FBXO32: variants seen among roughly 807,000 people sequenced by gnomAD.
FBXO32 encodes F-box protein 32, also known as F-box only protein 32.
A neutral mutation model predicts 48.3 loss-of-function variants in FBXO32; 15 were observed. That is an observed-to-expected ratio of 0.31 (90% CI 0.21 to 0.48). The LOEUF is 0.48. Ranked by LOEUF, FBXO32 falls within the 20% of genes least tolerant of loss-of-function variation. FBXO32 has a pLI of 0.99. For synonymous variants in FBXO32, 154 were observed against 165.9 expected, an observed-to-expected ratio of 0.93 and a Z score of 0.55; for missense variants, 309 against 432.7, an observed-to-expected ratio of 0.71 and a Z score of 2.54.
chr8:123,514,214 G>C, intron 5 of FBXO32, 26 bp downstream of exon 5: 1 of 1,578,828 alleles, frequency 6.3e-7, no homozygotes. Flanking sequence ...CTATAAAAAG[G>C]GGCGAGAGAG....
At chr8:123,519,555 A>G (rs1816908257) in intron 4 of FBXO32, among the ~76,000 whole-genome samples, 1 of 150,762 alleles carries the variant, frequency 6.6e-6, no homozygotes, top group Middle Eastern at 3.2e-3. Context: ...CATCTCAAAA[A>G]AAAAAAAAAA....
chr8:123,524,923 G>A (rs902879663), intron 4 of FBXO32, among the ~76,000 whole-genome samples: 4 of 152,202 alleles, frequency 2.6e-5, no homozygotes, highest in Non-Finnish European at 5.9e-5. Context: ...TTAAAGCCCA[G>A]GTGGCCGAGG....
rs1816777291 is a variant in FBXO32 at position 123,513,454 on chromosome 8, C to A, written c.467-72G>T. On this transcript the variant is annotated intron_variant, in intron 5 of 8. Coordinates refer to ENST00000517956, the MANE Select transcript of FBXO32 (RefSeq NM_058229.4). The surrounding 1 kb of genome is among the most constrained non-coding windows in gnomAD (Gnocchi z 4.3). Reference sequence around the variant, plus strand: ...CCCTGTATTTTACACATGAGCTTGTCTCTGTCTGTATTCCACTCATGTTAC... The same window carrying A: ...CCCTGTATTTTACACATGAGCTTGTATCTGTCTGTATTCCACTCATGTTAC... The A allele has an allele frequency of 2.3e-6, 3 of 1,304,626 alleles. No individual in the cohort carries two copies. Among genetic ancestry groups the A allele is most frequent in the Non-Finnish European group, 3.2e-6 (3 of 935,358 alleles). 80.8% of individuals were successfully genotyped at this position (1,304,626 alleles called of 1,614,324 possible).
intron 6 of FBXO32, among the ~76,000 whole-genome samples, chr8:123,508,580 T>G (rs1189064530): frequency 6.6e-6 from 1 of 152,176 alleles, no homozygotes; most frequent in Non-Finnish European, 1.5e-5. Context: ...ACTTGACAAT[T>G]TATACCGCTC....
chr8:123,518,067 A>C (rs1456185317), intron 4 of FBXO32, among the ~76,000 whole-genome samples: 1 of 152,160 alleles, frequency 6.6e-6, no homozygotes, highest in Non-Finnish European at 1.5e-5. Flanking sequence ...TATTCCAATA[A>C]AACTTTATTT....
chr8:123,538,458 G>A (rs1470689169), intron 1 of FBXO32, among the ~76,000 whole-genome samples: 1 of 152,122 alleles, frequency 6.6e-6, no homozygotes, highest in Non-Finnish European at 1.5e-5. Context: ...AACAGGAGAG[G>A]CATTCAGCTT....
chr8:123,517,733 T>G (rs904376537), intron 4 of FBXO32, among the ~76,000 whole-genome samples: 1 of 152,204 alleles, frequency 6.6e-6, no homozygotes, highest in Non-Finnish European at 1.5e-5. Context: ...AACTCCTGAT[T>G]CTTCATTTCT....
chr8:123,531,957 T>C lies in FBXO32; in HGVS notation c.313A>G (p.Asn105Asp). The C allele has an allele frequency of 6.2e-7, 1 of 1,614,184 alleles. No homozygotes were observed. The highest frequency in any genetic ancestry group is 8.5e-7 in the Non-Finnish European group (1 of 1,180,032). Residue 105 changes from asparagine to aspartate, a missense_variant, in exon 4 of 9, where the codon AAC becomes GAC. Asn to Asp is a conservative substitution (Grantham distance 23). Transcript: ENST00000517956. ...ATGGCAGTTGAGAAGTCCAGTCTGT[T>C]GAAAGCTTCCCCCAGGGTGCAATAT... ...HGYCTLGEAF[N>D]RLDFSTAILD...
intron 7 of FBXO32, among the ~76,000 whole-genome samples, 198 bp from the exon 8 acceptor site, chr8:123,504,945 T>G (rs1816583603): frequency 6.6e-6 from 1 of 151,940 alleles, no homozygotes; most frequent in Non-Finnish European, 1.5e-5. Flanking sequence ...TTAACCAAGC[T>G]TAAAAAACAA....
At chr8:123,522,552 A>C (rs1350567695) in intron 4 of FBXO32, among the ~76,000 whole-genome samples, 4 of 152,062 alleles carry the variant, frequency 2.6e-5, no homozygotes. Context: ...TCCCCATTAC[A>C]TCCATCTAAC....
rs988195159 is a variant in FBXO32 at position 123,497,941 on chromosome 8, A to G, written c.*5432T>C. ...TCAGTGTCAAAAGTTTTTTACAAAAATATGCCACCGTCTGGTACAAACAAC... is the reference window on the plus strand; with the variant it reads ...TCAGTGTCAAAAGTTTTTTACAAAAGTATGCCACCGTCTGGTACAAACAAC... On this transcript the variant is annotated 3_prime_UTR_variant, in exon 9 of 9. Coordinates refer to ENST00000517956, the MANE Select transcript of FBXO32 (RefSeq NM_058229.4). 2.0e-5 allele frequency: 3 copies of G among 152,238 alleles called. No individual in the cohort carries two copies. The highest frequency in any genetic ancestry group is 4.4e-5 in the Non-Finnish European group (3 of 68,040). 9.4% of individuals were successfully genotyped at this position (152,238 alleles called of 1,614,324 possible).
chr8:123,533,451 G>A (rs541819908), intron 2 of FBXO32, among the ~76,000 whole-genome samples: 1 of 152,248 alleles, frequency 6.6e-6, no homozygotes, highest in South Asian at 2.1e-4. Context: ...AAATCTTTGA[G>A]AGCCAGATTT....
rs1817408173 is a variant in FBXO32 at position 123,541,203 on chromosome 8, T to G, written c.-189A>C. The stretch of plus-strand genomic sequence containing the variant: ...TCTCAAGCGTTGCAGGCTCCGGGAG[T>G]GCTGCGCGGCAGTAGCTGCCGCAGT... On this transcript the variant is annotated 5_prime_UTR_variant, in exon 1 of 9. Transcript: ENST00000517956. 2 of 358,588 alleles carry G rather than the reference T, an allele frequency of 5.6e-6. No homozygotes were observed. The highest frequency in any genetic ancestry group is 5.0e-6 in the Non-Finnish European group (1 of 201,646). 22.2% of individuals were successfully genotyped at this position (358,588 alleles called of 1,614,324 possible).
chr8:123,524,208 T>C (rs7827149), intron 4 of FBXO32, among the ~76,000 whole-genome samples: 29,750 of 152,114 alleles, frequency 0.2, 3,280 homozygotes, highest in East Asian at 0.41. Context: ...TCTCCCACTT[T>C]TTCAGGTGGC....
At chr8:123,508,450 C>A (rs1816672888) in intron 6 of FBXO32, among the ~76,000 whole-genome samples, 1 of 152,130 alleles carries the variant, frequency 6.6e-6, no homozygotes. Context: ...TCCCAGCTCC[C>A]CTGGGAAGTC....
At chr8:123,538,737 T>C (rs554679458) in intron 1 of FBXO32, among the ~76,000 whole-genome samples, 109 of 152,272 alleles carry the variant, frequency 7.2e-4, no homozygotes, top group Admixed American at 2.0e-3. Flanking sequence ...AGGTGGTCAG[T>C]ATATCAATGA....
At chr8:123,534,470 C>T (rs1817272879) in intron 2 of FBXO32, among the ~76,000 whole-genome samples, 1 of 152,082 alleles carries the variant, frequency 6.6e-6, no homozygotes, top group South Asian at 2.1e-4. Context: ...GAAAAAAAGG[C>T]CCTCAACTAG....
chr8:123,536,783 C>A (rs1817316670), intron 1 of FBXO32, among the ~76,000 whole-genome samples: 1 of 152,190 alleles, frequency 6.6e-6, no homozygotes, highest in African/African-American at 2.4e-5. Context: ...AGATTGTGAT[C>A]ATTACTTAGC....
chr8:123,521,159 T>G (rs1262673030), intron 4 of FBXO32, among the ~76,000 whole-genome samples: 3 of 152,256 alleles, frequency 2.0e-5, no homozygotes, highest in Admixed American at 6.5e-5. Context: ...TACTTGCTGA[T>G]AGGCTAATTA....
Sources: gnomAD v4.1 joint callset for allele counts (sites outside exome capture counted in the v4.1 genomes callset) on GRCh38, gnomAD v4.1.1 for gene constraint, Gnocchi (gnomAD v3.1) non-coding constraint, MANE v1.5 for transcripts, NCBI Gene and HGNC (gene_info 2026-07-23, HGNC 2026-07-21) for gene names.